RPAP2: variants seen among roughly 807,000 people sequenced by gnomAD.
The protein encoded by RPAP2 is putative RNA polymerase II subunit B1 CTD phosphatase RPAP2.
A neutral mutation model predicts 73.1 loss-of-function variants in RPAP2; 52 were observed. The observed-to-expected ratio is 0.71, with a 90% CI of 0.57 to 0.90. The LOEUF is 0.90. Ranked by LOEUF, RPAP2 falls within the 40% of genes least tolerant of loss-of-function variation. RPAP2 has a pLI of 0.00. For synonymous variants in RPAP2, 225 were observed against 242.1 expected (o/e 0.93, Z 0.65); for missense variants, 598 against 701.8 (o/e 0.85, Z 1.67).
In RPAP2 at chr1:92,324,076, TTGTA is replaced by T; in HGVS notation, c.1159_1162del (p.Tyr387AlafsTer9). ...GAAGACAGAAGAAACATTGAGGTTT[TTGTA>T]TGGCCAGAATTATGCTTCTGTGTGT... On this transcript the variant is annotated frameshift_variant, in exon 8 of 13. Transcript: ENST00000610020. LOFTEE classifies it high-confidence loss of function. 1 of 1,614,054 alleles carries T rather than the reference TTGTA, an allele frequency of 6.2e-7. No homozygotes were observed. The highest frequency in any genetic ancestry group is 8.5e-7 in the Non-Finnish European group (1 of 1,179,962).
intron 9 of RPAP2, among the ~76,000 whole-genome samples, chr1:92,335,541 T>C (rs140135487): frequency 5.6e-4 from 86 of 152,298 alleles, no homozygotes; most frequent in Middle Eastern, 3.4e-3. Context: ...GGCATATGTA[T>C]ATTCATTCTA....
At chr1:92,299,555 C>A (rs146530793) in intron 1 of RPAP2, among the ~76,000 whole-genome samples, 1 of 152,128 alleles carries the variant, frequency 6.6e-6, no homozygotes, top group Non-Finnish European at 1.5e-5. Flanking sequence ...CCTCTTCCCC[C>A]AGAGAGGACG....
chr1:92,320,723 TC>T, intron 7 of RPAP2, 89 bp downstream of exon 7: 1 of 990,996 alleles, frequency 1.0e-6, no homozygotes, highest in Non-Finnish European at 1.6e-6. Context: ...CTCTTGGACT[TC>T]CTGTGCTGAT....
intron 5 of RPAP2, among the ~76,000 whole-genome samples, chr1:92,305,734 C>T (rs1038549629): frequency 6.6e-6 from 1 of 151,932 alleles, no homozygotes; most frequent in African/African-American, 2.4e-5. Context: ...TGAAAAGATG[C>T]TAAATATTAT....
At chr1:92,317,884 G>A (rs1260252492) in intron 6 of RPAP2, among the ~76,000 whole-genome samples, 1 of 152,122 alleles carries the variant, frequency 6.6e-6, no homozygotes, top group African/African-American at 2.4e-5. Flanking sequence ...TATATATTTT[G>A]ATTACCATTT....
intron 11 of RPAP2, among the ~76,000 whole-genome samples, chr1:92,356,773 A>G (rs1408855437): frequency 6.6e-6 from 1 of 151,314 alleles, no homozygotes; most frequent in Non-Finnish European, 1.5e-5. Context: ...TTGTCTCATT[A>G]AAAAATGGGC....
chr1:92,327,604 A>G (rs980066177), intron 8 of RPAP2, among the ~76,000 whole-genome samples: 3 of 152,018 alleles, frequency 2.0e-5, no homozygotes, highest in African/African-American at 7.2e-5. Flanking sequence ...ATTCGTATTA[A>G]TTTTGCCATT....
intron 12 of RPAP2, among the ~76,000 whole-genome samples, chr1:92,384,661 C>T (rs1655790658): frequency 6.6e-6 from 1 of 151,852 alleles, no homozygotes; most frequent in Admixed American, 6.6e-5. Flanking sequence ...GTAACTGCCC[C>T]CCAATTTATA....
At chr1:92,306,498 A>G (rs1353617970) in intron 5 of RPAP2, among the ~76,000 whole-genome samples, 1 of 152,272 alleles carries the variant, frequency 6.6e-6, no homozygotes, top group Non-Finnish European at 1.5e-5. Flanking sequence ...TACTCTAACA[A>G]TGGAATGTAG....
At chr1:92,360,340 G>A (rs967120680) in intron 11 of RPAP2, among the ~76,000 whole-genome samples, 4 of 152,212 alleles carry the variant, frequency 2.6e-5, no homozygotes, top group African/African-American at 9.6e-5. Flanking sequence ...AATGATAGGA[G>A]TGGAGACCAG....
intron 10 of RPAP2, among the ~76,000 whole-genome samples, chr1:92,336,815 C>G (rs1653305730): frequency 6.6e-6 from 1 of 152,018 alleles, no homozygotes; most frequent in African/African-American, 2.4e-5. Flanking sequence ...GAAGAACTCT[C>G]CTCTGTGAAG....
At chr1:92,319,220 G>A (rs977260436) in intron 6 of RPAP2, among the ~76,000 whole-genome samples, 5 of 152,108 alleles carry the variant, frequency 3.3e-5, no homozygotes. Context: ...CTGATTTCCT[G>A]TAGCAGCTTA....
chr1:92,335,556 G>A (rs1210157648), intron 9 of RPAP2, among the ~76,000 whole-genome samples: 1 of 151,882 alleles, frequency 6.6e-6, no homozygotes, highest in East Asian at 1.9e-4. Context: ...ATTCTATTTG[G>A]TTCTCTCTGT....
At chr1:92,373,863 G>C (rs1655277646) in intron 11 of RPAP2, among the ~76,000 whole-genome samples, 1 of 151,176 alleles carries the variant, frequency 6.6e-6, no homozygotes, top group Non-Finnish European at 1.5e-5. Context: ...AGGTTGCAGT[G>C]AGCAGAGATA....
intron 10 of RPAP2, among the ~76,000 whole-genome samples, chr1:92,336,814 T>C (rs1009483588): frequency 3.9e-5 from 6 of 152,006 alleles, no homozygotes; most frequent in African/African-American, 7.3e-5. Context: ...GGAAGAACTC[T>C]CCTCTGTGAA....
At chr1:92,385,635 A>G (rs542575017) in intron 12 of RPAP2, among the ~76,000 whole-genome samples, 48 of 152,292 alleles carry the variant, frequency 3.2e-4, no homozygotes, top group African/African-American at 1.1e-3. Flanking sequence ...ATTACTACCT[A>G]GTATATTAAT....
At chr1:92,371,110 G>A (rs1655128103) in intron 11 of RPAP2, among the ~76,000 whole-genome samples, 1 of 151,878 alleles carries the variant, frequency 6.6e-6, no homozygotes, top group Admixed American at 6.6e-5. Flanking sequence ...TTCGAGATCA[G>A]CCTGGCCAAC....
chr1:92,323,658 C>A lies in RPAP2; in HGVS notation c.738C>A (p.Ser246Arg), dbSNP rs1557600938. The A allele has an allele frequency of 6.2e-7, 1 of 1,613,334 alleles. No homozygotes were observed. The highest frequency in any genetic ancestry group is 1.7e-5 in the Admixed American group (1 of 59,826). Residue 246 changes from serine to arginine, a missense_variant, in exon 8 of 13, where the codon AGC becomes AGA. This residue lies in a region of RPAP2 where 506 missense variants were observed against 612.8 expected (regional missense o/e 0.83). Coordinates refer to ENST00000610020, the MANE Select transcript of RPAP2 (RefSeq NM_024813.3). ...TTAGACCACAGCTGCACCAAAAAAGCATAATGAAAAAGAAAGCTGGTCACA... is the reference window on the plus strand; with the variant it reads ...TTAGACCACAGCTGCACCAAAAAAGAATAATGAAAAAGAAAGCTGGTCACA... ...TNIRPQLHQK[S>R]IMKKKAGHKA... is the part of the protein sequence containing the mutation.
intron 12 of RPAP2, 59 bp downstream of exon 12, chr1:92,380,932 C>CTT (rs879148251): frequency 4.7e-5 from 51 of 1,096,190 alleles, no homozygotes; most frequent in African/African-American, 1.2e-4. Context: ...TATGTGGATT[C>CTT]TTTTTTTTTT....
Sources: gnomAD v4.1 joint callset for allele counts (sites outside exome capture counted in the v4.1 genomes callset) on GRCh38, gnomAD v4.1.1 for gene constraint, gnomAD v4.1.1 regional missense constraint, MANE v1.5 for transcripts, NCBI Gene and HGNC (gene_info 2026-07-23, HGNC 2026-07-21) for gene names.